The following RSPRY1 variants were observed in gnomAD, a reference collection of about 807,000 sequenced individuals.
RSPRY1 encodes the protein RING finger and SPRY domain-containing protein 1.
RSPRY1 carries 23 observed loss-of-function variants against 73.1 expected under a neutral mutation model. The observed-to-expected ratio is 0.31, with a 90% CI of 0.23 to 0.45. RSPRY1 has a LOEUF of 0.45. RSPRY1 is among the 20% of genes least tolerant of loss of function. The pLI, the probability that RSPRY1 is intolerant of heterozygous loss-of-function variation, is 1.00. For missense variants in RSPRY1, 448 were observed against 698.7 expected (o/e 0.64, Z 4.05); for synonymous variants, 226 against 251.4 (o/e 0.90, Z 0.95).
Position 57,220,755 on chromosome 16 carries a change from A to T in RSPRY1, c.925A>T (p.Thr309Ser), listed in dbSNP as rs199502191. 6.2e-6 allele frequency: 10 copies of T among 1,613,040 alleles called. No homozygotes were observed. Among genetic ancestry groups the T allele is most frequent in the Non-Finnish European group, 8.5e-6 (10 of 1,179,096 alleles). ...NLFLKEGRQLTYEKVNLSSIR... is the reference protein window; with the variant it reads ...NLFLKEGRQLSYEKVNLSSIR... ...AGTTTTAAAAGAAGGTAGACAGCTG[A>T]CCTATGAGAAAGTGAACTTGAGTAG... The change falls in exon 9 of 15, where the codon ACC becomes TCC. Residue 309 changes from threonine to serine, a missense_variant. Thr to Ser is a moderately conservative substitution (Grantham distance 58). Coordinates refer to ENST00000394420, the MANE Select transcript of RSPRY1 (RefSeq NM_133368.3).
intron 10 of RSPRY1, among the ~76,000 whole-genome samples, chr16:57,222,375 C>CG (rs1357370589): frequency 1.3e-5 from 2 of 152,200 alleles, no homozygotes; most frequent in African/African-American, 4.8e-5. Context: ...ACTACAGGCA[C>CG]ATCCCATGGT....
chr16:57,208,073 C>A lies in RSPRY1; in HGVS notation c.366C>A (p.Pro122=). The change falls in exon 3 of 15, where the codon CCC becomes CCA. Residue 122 remains proline, a synonymous_variant. Transcript: ENST00000394420. ...RTLVDNDQEP[P]YSMITLHEMA... ...TTTTTTCCAGTGATCAGGAACCTCC[C>A]TATTCAATGATAACATTACACGAAA... 6.3e-7 allele frequency: 1 copy of A among 1,593,888 alleles called. No individual in the cohort carries two copies. The highest frequency in any genetic ancestry group is 1.1e-5 in the South Asian group (1 of 87,622).
chr16:57,201,706 C>T lies in RSPRY1; in HGVS notation c.-155-2798C>T, dbSNP rs548635246. On this transcript the variant is annotated intron_variant, in intron 1 of 14. Coordinates refer to ENST00000394420, the MANE Select transcript of RSPRY1 (RefSeq NM_133368.3). ...GTGAACGCGACTCCGTCTGCCATCC[C>T]GGCACCTCGGGAGGCCAAGGCTGGC... is the stretch of plus-strand genomic sequence containing the variant. Among the ~76,000 whole-genome samples the T allele has an allele frequency of 6.0e-3, 909 of 152,350 alleles. 6 individuals are homozygous for T. Among genetic ancestry groups the T allele is most frequent in the Non-Finnish European group, 0.01 (684 of 68,028 alleles).
At chr16:57,227,762 T>A (rs1436240308) in intron 11 of RSPRY1, among the ~76,000 whole-genome samples, 3 of 152,188 alleles carry the variant, frequency 2.0e-5, no homozygotes, top group African/African-American at 7.2e-5. Context: ...GCCATGGCAA[T>A]ATCAGGGACA....
Position 57,220,801 on chromosome 16 carries a change from G to A in RSPRY1, c.971G>A (p.Ser324Asn), listed in dbSNP as rs751456874. ...NLSSIRAMLN[S>N]NDVSEYLKIS... ...AGTAGCATTAGGGCCATGCTGAATA[G>A]CAATGATGTCAGCGAGTACCTGAAG... is the stretch of plus-strand genomic sequence containing the variant. The change falls in exon 9 of 15, where the codon AGC (serine) becomes AAC (asparagine). Residue 324 changes from serine to asparagine, a missense_variant. Ser to Asn is a conservative substitution (Grantham distance 46, BLOSUM62 1). Transcript: ENST00000394420. 6.2e-7 allele frequency: 1 copy of A among 1,613,956 alleles called. No homozygotes were observed. The highest frequency in any genetic ancestry group is 8.5e-7 in the Non-Finnish European group (1 of 1,179,810).
chr16:57,231,584 ATTG>A (rs1456244347), intron 13 of RSPRY1, among the ~76,000 whole-genome samples: 1 of 152,212 alleles, frequency 6.6e-6, no homozygotes, highest in Non-Finnish European at 1.5e-5. Flanking sequence ...AGATAACCTT[ATTG>A]TTATTTAAAA....
At chr16:57,221,240 T>A (rs931876483) in intron 9 of RSPRY1, 32 bp from the exon 10 acceptor site, 5 of 1,611,430 alleles carry the variant, frequency 3.1e-6, no homozygotes, top group Non-Finnish European at 4.2e-6. Flanking sequence ...CAGGCCCTCA[T>A]AGTTGATTGA....
rs2074688117 is a variant in RSPRY1 at position 57,204,650 on chromosome 16, AC to A, written c.-8del. On this transcript the variant is annotated 5_prime_UTR_variant, in exon 2 of 15. The change abolishes the stop of an existing upstream ORF in the 5' untranslated region. Coordinates refer to ENST00000394420, the MANE Select transcript of RSPRY1 (RefSeq NM_133368.3). ...GAAAACAGTACTTGGAAAACTGAAA[AC>A]TACCTAAATGATCGTCTTTGGTTGG... 6.2e-7 allele frequency: 1 copy of A among 1,609,580 alleles called. No individual in the cohort carries two copies. Among genetic ancestry groups the A allele is most frequent in the African/African-American group, 1.3e-5 (1 of 74,908 alleles).
At chr16:57,225,209 C>T (rs1388150329) in intron 10 of RSPRY1, among the ~76,000 whole-genome samples, 1 of 152,164 alleles carries the variant, frequency 6.6e-6, no homozygotes, top group South Asian at 2.1e-4. Flanking sequence ...TATAGGTGTG[C>T]GCCACCACAC....
chr16:57,198,487 A>G (rs1396567787), intron 1 of RSPRY1, among the ~76,000 whole-genome samples: 1 of 152,240 alleles, frequency 6.6e-6, no homozygotes. Context: ...TTAAGATCCA[A>G]CAAACCTCTT....
chr16:57,208,391 TATATATATA>T (rs2074769358), intron 3 of RSPRY1, among the ~76,000 whole-genome samples: 2 of 107,960 alleles, frequency 1.9e-5, no homozygotes, highest in African/African-American at 8.1e-5. Context: ...TATATATATA[TATATATATA>T]TTTTTTTTTT....
intron 1 of RSPRY1, among the ~76,000 whole-genome samples, chr16:57,198,020 C>G (rs551542607): frequency 6.7e-6 from 1 of 149,348 alleles, no homozygotes; most frequent in African/African-American, 2.5e-5. Context: ...GCCACCATGC[C>G]CATCCTATCA....
rs78582539 is a variant in RSPRY1 at position 57,217,707 on chromosome 16, A to G, written c.901+672A>G. Among the ~76,000 whole-genome samples the G allele has an allele frequency of 4.7e-3, 723 of 152,284 alleles. 7 individuals carry two copies. Among genetic ancestry groups the G allele is most frequent in the African/African-American group, 0.016 (672 of 41,546 alleles). The stretch of plus-strand genomic sequence containing the variant: ...CCTTTGAGCCTCATGTCTGCACTCA[A>G]AAAGTATTGGATTTTGGAGCATTTT... On this transcript the variant is annotated intron_variant, in intron 8 of 14. Transcript: ENST00000394420.
intron 6 of RSPRY1, 84 bp from the exon 7 acceptor site, chr16:57,216,023 G>A (rs1597899664): frequency 9.7e-7 from 1 of 1,034,336 alleles, no homozygotes; most frequent in Non-Finnish European, 1.5e-6. Context: ...AGCACATATT[G>A]GGCAAGGAAA....
At chr16:57,200,664 G>A (rs2074559499) in intron 1 of RSPRY1, among the ~76,000 whole-genome samples, 1 of 115,534 alleles carries the variant, frequency 8.7e-6, no homozygotes, top group African/African-American at 3.3e-5. Context: ...GCGGGGGGCT[G>A]ACCCCCCCAC....
At chr16:57,229,769 G>A (rs560761989) in intron 11 of RSPRY1, among the ~76,000 whole-genome samples, 46 of 111,602 alleles carry the variant, frequency 4.1e-4, no homozygotes, top group African/African-American at 1.4e-3. Context: ...GCAGTGGCGC[G>A]ATCTCAGCTC....
chr16:57,205,475 T>C (rs1567494545), intron 2 of RSPRY1, among the ~76,000 whole-genome samples: 1 of 152,330 alleles, frequency 6.6e-6, no homozygotes, highest in East Asian at 1.9e-4. Context: ...CTTTATTTGA[T>C]CCTTTATCCC....
intron 4 of RSPRY1, among the ~76,000 whole-genome samples, chr16:57,210,348 G>A (rs1207013971): frequency 6.6e-6 from 1 of 152,020 alleles, no homozygotes; most frequent in Non-Finnish European, 1.5e-5. Flanking sequence ...TCAAAGTGTT[G>A]GGATTATACG....
chr16:57,195,140 TACC>T lies in RSPRY1; in HGVS notation c.-156+8692_-156+8694del, dbSNP rs1296758725. On this transcript the variant is annotated intron_variant, in intron 1 of 14. Coordinates refer to ENST00000394420, the MANE Select transcript of RSPRY1 (RefSeq NM_133368.3). ...AAAAGGCAAGAATCAAAATTAATAA[TACC>T]ACACTTCAGAGAAATAGATTTGCAA... Among the ~76,000 whole-genome samples, 10 of 152,324 alleles carry T rather than the reference TACC, an allele frequency of 6.6e-5. No individual in the cohort carries two copies. The East Asian group carries it at 1.9e-3, about 29-fold the overall frequency.
Sources: gnomAD v4.1 joint callset for allele counts (sites outside exome capture counted in the v4.1 genomes callset) on GRCh38, gnomAD v4.1.1 for gene constraint, MANE v1.5 for transcripts, NCBI Gene and HGNC (gene_info 2026-07-23, HGNC 2026-07-21) for gene names.